MAK16: variants seen among roughly 807,000 people sequenced by gnomAD.
MAK16 encodes the protein protein MAK16 homolog.
In MAK16, 12 loss-of-function variants were observed where a neutral mutation model predicts 49.9. The ratio of observed to expected loss-of-function variants is 0.24; its 90% CI spans 0.15 to 0.39. The LOEUF (loss-of-function observed/expected upper bound fraction) is 0.39. Among genes scored for constraint, MAK16 ranks in the 10% least tolerant of loss-of-function variants. MAK16 has a pLI of 1.00. For synonymous variants in MAK16, 115 were observed against 126.4 expected (o/e 0.91, Z 0.60); for missense variants, 292 against 363.7 (o/e 0.80, Z 1.60).
chr8:33,488,276 C>A, intron 1 of MAK16, 102 bp from the exon 2 acceptor site: 1 of 1,256,520 alleles, frequency 8.0e-7, no homozygotes, highest in Non-Finnish European at 1.1e-6. Context: ...TTTTACAAAA[C>A]ATTTCTTCCT....
At chr8:33,486,414 C>T (rs985971161) in intron 1 of MAK16, among the ~76,000 whole-genome samples, 1 of 151,990 alleles carries the variant, frequency 6.6e-6, no homozygotes, top group Admixed American at 6.6e-5. Context: ...TAGCTGGGCG[C>T]GGTGGTGTTC....
chr8:33,500,971 A>G lies in MAK16; in HGVS notation c.*2342A>G, dbSNP rs1809054801. The stretch of plus-strand genomic sequence containing the variant: ...TGAATTTTCTGTCATTTAATTTCAG[A>G]TCCTAGCTCATCATCAGTGAAGTCC... On this transcript the variant is annotated 3_prime_UTR_variant, in exon 10 of 10. Transcript: ENST00000360128. 6.2e-6 allele frequency: 1 copy of G among 160,104 alleles called. No homozygotes were observed. The highest frequency in any genetic ancestry group is 6.0e-5 in the Admixed American group (1 of 16,674). The allele number at this position is 160,104 out of a possible 1,614,324, so 9.9% of individuals were successfully genotyped here.
chr8:33,488,909 G>A, intron 4 of MAK16, 79 bp from the exon 5 acceptor site: 1 of 1,604,972 alleles, frequency 6.2e-7, no homozygotes, highest in East Asian at 2.2e-5. Context: ...ATCCTCATTA[G>A]GCCATGGGTG....
chr8:33,498,640 A>G lies in MAK16; in HGVS notation c.*11A>G. 6.2e-7 allele frequency: 1 copy of G among 1,609,068 alleles called. No individual in the cohort carries two copies. Among genetic ancestry groups the G allele is most frequent in the Non-Finnish European group, 8.5e-7 (1 of 1,176,506 alleles). ...GCCAAAACCACGTGATTTCCCTTTCAGCATTTATACCCAGGACTGAACATG... is the reference window on the plus strand; with the variant it reads ...GCCAAAACCACGTGATTTCCCTTTCGGCATTTATACCCAGGACTGAACATG... On this transcript the variant is annotated 3_prime_UTR_variant, in exon 10 of 10. Transcript: ENST00000360128.
Position 33,500,091 on chromosome 8 carries a change from C to T in MAK16, c.*1462C>T. On this transcript the variant is annotated 3_prime_UTR_variant, in exon 10 of 10. Transcript: ENST00000360128. ...TGCCCATACTGTCTCGTCCTTAGCC[C>T]CAGTGACATGTGCTGATCCTCCTGC... 1 of 468,776 alleles carries T rather than the reference C, an allele frequency of 2.1e-6. No homozygotes were observed. Among genetic ancestry groups the T allele is most frequent in the East Asian group, 3.8e-5 (1 of 26,202 alleles). 29.0% of individuals were successfully genotyped at this position (468,776 alleles called of 1,614,324 possible). A position where few individuals can be genotyped will look rare whatever the true frequency, so the allele number is the denominator to read the frequency against.
rs762728432 is a variant in MAK16 at position 33,498,628 on chromosome 8, G to A, written c.902G>A (p.Ter301=). The change falls in exon 10 of 10, where the codon TGA becomes TAA. Residue 301 remains the stop codon, a stop_retained_variant. Transcript: ENST00000360128. ...TEPVAKAKTT[*] ...CCCGTGGCCAAAGCCAAAACCACGT[G>A]ATTTCCCTTTCAGCATTTATACCCA... The A allele has an allele frequency of 6.2e-7, 1 of 1,609,462 alleles. No homozygotes were observed. The highest frequency in any genetic ancestry group is 1.7e-5 in the Admixed American group (1 of 59,910).
intron 1 of MAK16, among the ~76,000 whole-genome samples, chr8:33,487,540 C>T (rs1563345582): frequency 6.6e-6 from 1 of 151,872 alleles, no homozygotes; most frequent in Non-Finnish European, 1.5e-5. Context: ...ATTCTCCTGC[C>T]TCAGCCTCTC....
At chr8:33,487,817 C>T (rs1808711564) in intron 1 of MAK16, among the ~76,000 whole-genome samples, 1 of 152,134 alleles carries the variant, frequency 6.6e-6, no homozygotes, top group African/African-American at 2.4e-5. Context: ...CAAAAAAAGT[C>T]TGGAAAAATA....
rs1206278061 is a variant in MAK16, at chr8:33,485,520, T to A, written c.15+299T>A. 7.3e-5 allele frequency: 33 copies of A among 452,328 alleles called. No individual in the cohort carries two copies. In the East Asian group the frequency reaches 1.1e-3, roughly 15 times the overall value. 28.0% of individuals were successfully genotyped at this position (452,328 alleles called of 1,614,324 possible). The stretch of plus-strand genomic sequence containing the variant: ...TCGCGTCATGCTGTCAGCTGTCAGC[T>A]GTCAGCTCCGGACTTGGGGTGGGGG... On this transcript the variant is annotated intron_variant, in intron 1 of 9. Transcript: ENST00000360128.
Position 33,500,025 on chromosome 8 carries a change from A to G in MAK16, c.*1396A>G, listed in dbSNP as rs1333679972. ...TTTTTTTTTTAATTCAGAAGACTAG[A>G]ACAGAACTTAAATTTTACAAACTTT... is the stretch of plus-strand genomic sequence containing the variant. On this transcript the variant is annotated 3_prime_UTR_variant, in exon 10 of 10. Coordinates refer to ENST00000360128, the MANE Select transcript of MAK16 (RefSeq NM_032509.4). 4.2e-6 allele frequency: 1 copy of G among 236,214 alleles called. No homozygotes were observed. The highest frequency in any genetic ancestry group is 2.3e-5 in the African/African-American group (1 of 43,772). 14.6% of individuals were successfully genotyped at this position (236,214 alleles called of 1,614,324 possible). A position where few individuals can be genotyped will look rare whatever the true frequency, so the allele number is the denominator to read the frequency against.
chr8:33,487,615 G>T (rs2128823289), intron 1 of MAK16, among the ~76,000 whole-genome samples: 1 of 152,090 alleles, frequency 6.6e-6, no homozygotes, highest in East Asian at 1.9e-4. Context: ...TAGAGATGGG[G>T]TTTCACCATG....
chr8:33,498,809 G>T lies in MAK16; in HGVS notation c.*180G>T. The T allele has an allele frequency of 1.6e-6, 1 of 634,290 alleles. No individual in the cohort carries two copies. The highest frequency in any genetic ancestry group is 2.7e-5 in the East Asian group (1 of 36,412). 39.3% of individuals were successfully genotyped at this position (634,290 alleles called of 1,614,324 possible). A position where few individuals can be genotyped will look rare whatever the true frequency, so the allele number is the denominator to read the frequency against. Reference sequence around the variant, plus strand: ...AAGAAATCTGGAGTGAGTGAAGAAAGCTAAGTTGTGAACAAGAGTGTTTTT... The same window carrying T: ...AAGAAATCTGGAGTGAGTGAAGAAATCTAAGTTGTGAACAAGAGTGTTTTT... On this transcript the variant is annotated 3_prime_UTR_variant, in exon 10 of 10. Coordinates refer to ENST00000360128, the MANE Select transcript of MAK16 (RefSeq NM_032509.4).
intron 6 of MAK16, among the ~76,000 whole-genome samples, chr8:33,494,309 G>A (rs1808822686): frequency 1.3e-5 from 2 of 152,064 alleles, no homozygotes. Flanking sequence ...TCCTGACGTC[G>A]GGTGATCTGC....
Position 33,498,677 on chromosome 8 carries a change from T to TG in MAK16, c.*48_*49insG, listed in dbSNP as rs769705677. ...CAGGACTGAACATGCAGAACTGTTT[T>TG]TTTTTTTTTTTTATCTTAAACACAT... is the stretch of plus-strand genomic sequence containing the variant. On this transcript the variant is annotated 3_prime_UTR_variant, in exon 10 of 10. Coordinates refer to ENST00000360128, the MANE Select transcript of MAK16 (RefSeq NM_032509.4). 31 of 1,503,346 alleles carry TG rather than the reference T, an allele frequency of 2.1e-5. 1 individual carries two copies. Among genetic ancestry groups the TG allele is most frequent in the African/African-American group, 4.2e-5 (3 of 70,664 alleles). The allele number at this position is 1,503,346 out of a possible 1,614,324, so 93.1% of individuals were successfully genotyped here.
rs200085612 is a variant in MAK16 at position 33,488,958 on chromosome 8, C to T, written c.241-30C>T. On this transcript the variant is annotated intron_variant, in intron 4 of 9. Coordinates refer to ENST00000360128, the MANE Select transcript of MAK16 (RefSeq NM_032509.4). The stretch of plus-strand genomic sequence containing the variant: ...AAACCTAATGAATCATTTACACTTG[C>T]CCTTCAAACTTCCTGTTTCTGTTTG... The T allele has an allele frequency of 4.7e-4, 758 of 1,613,780 alleles. 1 individual carries two copies. The highest frequency in any genetic ancestry group is 6.0e-4 in the Non-Finnish European group (710 of 1,179,870).
At chr8:33,492,456 T>C (rs944361349) in intron 6 of MAK16, among the ~76,000 whole-genome samples, 15 of 152,320 alleles carry the variant, frequency 9.8e-5, no homozygotes, top group African/African-American at 3.6e-4. Flanking sequence ...TTACCTTTGC[T>C]TGTGGGATAT....
chr8:33,488,051 C>G (rs1217803755), intron 1 of MAK16, among the ~76,000 whole-genome samples: 1 of 152,170 alleles, frequency 6.6e-6, no homozygotes, highest in African/African-American at 2.4e-5. Flanking sequence ...GCCCCAGCCT[C>G]CCGAGTAGCT....
rs768222227 is a variant in MAK16, at chr8:33,499,300, C to CT, written c.*674dup. ...ACCCTGAAACATGAAACCAAACAGG[C>CT]TTTGATATTTTTTTTTTTTTAATTA... On this transcript the variant is annotated 3_prime_UTR_variant, in exon 10 of 10. Transcript: ENST00000360128. The CT allele has an allele frequency of 6.5e-7, 1 of 1,542,070 alleles. No individual in the cohort carries two copies. Among genetic ancestry groups the CT allele is most frequent in the Non-Finnish European group, 9.0e-7 (1 of 1,116,672 alleles).
chr8:33,496,819 C>A, intron 8 of MAK16, 78 bp downstream of exon 8: 2 of 1,074,120 alleles, frequency 1.9e-6, no homozygotes, highest in Non-Finnish European at 2.6e-6. Flanking sequence ...CATCTTCAGT[C>A]CGCTAACCAA....
Sources: allele counts gnomAD v4.1 joint callset (sites outside exome capture counted in the v4.1 genomes callset), GRCh38; gene constraint gnomAD v4.1.1; transcripts MANE v1.5; gene names NCBI Gene and HGNC (gene_info 2026-07-23, HGNC 2026-07-21).